Variants in SENP5 observed in about 807,000 individuals in gnomAD.
SENP5 encodes the protein sentrin-specific protease 5.
SENP5 carries 21 observed loss-of-function variants against 74.2 expected under a neutral mutation model. The observed-to-expected ratio is 0.28, with a 90% confidence interval of 0.20 to 0.41. The LOEUF is 0.41. Among genes scored for constraint, SENP5 ranks in the 10% least tolerant of loss-of-function variants. SENP5 has a pLI of 1.00. For missense variants in SENP5, 717 were observed against 889.1 expected, an observed-to-expected ratio of 0.81 and a Z score of 2.46; for synonymous variants, 311 against 312.7, an observed-to-expected ratio of 0.99 and a Z score of 0.06.
At chr3:196,893,636 G>A (rs1577811580) in intron 2 of SENP5, among the ~76,000 whole-genome samples, 1 of 152,084 alleles carries the variant, frequency 6.6e-6, no homozygotes, top group Non-Finnish European at 1.5e-5. Context: ...TAGGCCGGGC[G>A]CGGTGGCTCA....
intron 9 of SENP5, 125 bp from the exon 10 acceptor site, chr3:196,930,688 C>G: frequency 1.5e-6 from 1 of 665,414 alleles, no homozygotes; most frequent in East Asian, 2.6e-5. Flanking sequence ...TAACCAGTCC[C>G]TGGTGCCAAA....
rs559543459 is a variant in SENP5 at position 196,873,164 on chromosome 3, C to A, written c.-32+5091C>A. Reference sequence around the variant, plus strand: ...ACTTGGCTCACTGCAACCTCCACCTCCCAGGTTCAAGCAATTGTCCTGCCT... The same window carrying A: ...ACTTGGCTCACTGCAACCTCCACCTACCAGGTTCAAGCAATTGTCCTGCCT... On this transcript the variant is annotated intron_variant, in intron 1 of 9. Coordinates refer to ENST00000323460, the MANE Select transcript of SENP5 (RefSeq NM_152699.5). Among the ~76,000 whole-genome samples the A allele has an allele frequency of 3.3e-5, 5 of 151,226 alleles. No individual in the cohort carries two copies. The East Asian group carries it at 9.8e-4, about 30-fold the overall frequency.
Position 196,886,413 on chromosome 3 carries a change from T to G in SENP5, c.1232T>G (p.Val411Gly), listed in dbSNP as rs765223971. Residue 411 changes from valine to glycine, a missense_variant, in exon 2 of 10, where the codon GTA becomes GGA. Val to Gly is a moderately radical substitution (Grantham distance 109). Coordinates refer to ENST00000323460, the MANE Select transcript of SENP5 (RefSeq NM_152699.5). ...NQTSSVSDDR[V>G]KLSVSGADTS... Reference sequence around the variant, plus strand: ...ACAAGTTCTGTCAGTGATGACAGAGTAAAACTGTCAGTGTCTGGAGCAGAT... The same window carrying G: ...ACAAGTTCTGTCAGTGATGACAGAGGAAAACTGTCAGTGTCTGGAGCAGAT... 1.9e-6 allele frequency: 3 copies of G among 1,611,904 alleles called. No homozygotes were observed. Among genetic ancestry groups the G allele is most frequent in the Non-Finnish European group, 1.7e-6 (2 of 1,178,680 alleles).
chr3:196,903,787 A>C (rs115255554), intron 6 of SENP5, among the ~76,000 whole-genome samples, 177 bp downstream of exon 6: 5 of 152,262 alleles, frequency 3.3e-5, no homozygotes, highest in Non-Finnish European at 7.3e-5. Flanking sequence ...TTAATTGCCT[A>C]CTGGTCCCAA....
rs1716174368 is a variant in SENP5, at chr3:196,934,599, T to A, written c.*3676T>A. ...GACCTAGACGAGCTGTTCACTTAAC[T>A]GGTACCTGTTGGTCAGAAAAAGAAT... is the stretch of plus-strand genomic sequence containing the variant. On this transcript the variant is annotated 3_prime_UTR_variant, in exon 10 of 10. Coordinates refer to ENST00000323460, the MANE Select transcript of SENP5 (RefSeq NM_152699.5). 2.0e-5 allele frequency: 3 copies of A among 152,250 alleles called. No homozygotes were observed. 9.4% of individuals were successfully genotyped at this position (152,250 alleles called of 1,614,324 possible). A position where few individuals can be genotyped will look rare whatever the true frequency, so the allele number is the denominator to read the frequency against.
At chr3:196,930,004 AAAC>A (rs1324256401) in intron 9 of SENP5, among the ~76,000 whole-genome samples, 31 of 152,176 alleles carry the variant, frequency 2.0e-4, no homozygotes, top group African/African-American at 5.8e-4. Flanking sequence ...AAAAAAAAAA[AAAC>A]ATTGGCAAGC....
rs984642672 is a variant in SENP5, at chr3:196,934,027, A to G, written c.*3104A>G. 5 of 152,166 alleles carry G rather than the reference A, an allele frequency of 3.3e-5. No individual in the cohort carries two copies. Among genetic ancestry groups the G allele is most frequent in the Non-Finnish European group, 7.3e-5 (5 of 68,032 alleles). 9.4% of individuals were successfully genotyped at this position (152,166 alleles called of 1,614,324 possible). ...CATCAGGTTGTAGTTGCATCTTTAC[A>G]GTGGTCTTTCCTTTTATTAAATCTA... On this transcript the variant is annotated 3_prime_UTR_variant, in exon 10 of 10. Coordinates refer to ENST00000323460, the MANE Select transcript of SENP5 (RefSeq NM_152699.5).
At chr3:196,877,810 A>G (rs1713548139) in intron 1 of SENP5, among the ~76,000 whole-genome samples, 1 of 152,190 alleles carries the variant, frequency 6.6e-6, no homozygotes, top group African/African-American at 2.4e-5. Context: ...GGGAACTGTG[A>G]TCCTAAACTT....
chr3:196,898,949 G>C (rs1392013465), intron 2 of SENP5, among the ~76,000 whole-genome samples: 1 of 152,036 alleles, frequency 6.6e-6, no homozygotes, highest in East Asian at 1.9e-4. Flanking sequence ...CGTGGTGGCA[G>C]GCGCCTGTAG....
intron 2 of SENP5, among the ~76,000 whole-genome samples, chr3:196,896,358 C>G (rs1714439841): frequency 6.6e-6 from 1 of 152,184 alleles, no homozygotes; most frequent in Non-Finnish European, 1.5e-5. Flanking sequence ...GTCACGGTAC[C>G]TACAATCAGG....
chr3:196,885,920 A>G lies in SENP5; in HGVS notation c.739A>G (p.Arg247Gly). The stretch of plus-strand genomic sequence containing the variant: ...GATTAGATTTCGGTACAGGATTCTC[A>G]GATCCCAGCACTTCAGAACCAAAAG... ...SMIRFRYRIL[R>G]SQHFRTKSKV... is the part of the protein sequence containing the mutation. Residue 247 changes from arginine (R) to glycine (G), a missense_variant, in exon 2 of 10, where the codon AGA becomes GGA. Coordinates refer to ENST00000323460, the MANE Select transcript of SENP5 (RefSeq NM_152699.5). 1.9e-6 allele frequency: 3 copies of G among 1,613,978 alleles called. No homozygotes were observed. Among genetic ancestry groups the G allele is most frequent in the Non-Finnish European group, 2.5e-6 (3 of 1,180,018 alleles).
intron 2 of SENP5, among the ~76,000 whole-genome samples, chr3:196,890,683 T>C (rs1290671314): frequency 6.6e-6 from 1 of 152,230 alleles, no homozygotes; most frequent in East Asian, 1.9e-4. Context: ...TTTAAAGTTC[T>C]AACCTCTATG....
At chr3:196,901,735 G>A (rs1225824528) in intron 5 of SENP5, among the ~76,000 whole-genome samples, 4 of 152,120 alleles carry the variant, frequency 2.6e-5, no homozygotes, top group African/African-American at 9.7e-5. Flanking sequence ...ATGCTCTATT[G>A]TCAAATTCTC....
At chr3:196,875,201 A>T (rs1026667830) in intron 1 of SENP5, among the ~76,000 whole-genome samples, 7 of 152,172 alleles carry the variant, frequency 4.6e-5, no homozygotes, top group Non-Finnish European at 8.8e-5. Flanking sequence ...CTGATACTGG[A>T]ACATTTACCC....
rs558083698 is a variant in SENP5, at chr3:196,917,318, C to G, written c.1885-6096C>G. Among the ~76,000 whole-genome samples, 4 of 152,008 alleles carry G rather than the reference C, an allele frequency of 2.6e-5. No homozygotes were observed. In the East Asian group the frequency reaches 5.8e-4, roughly 22 times the overall value. On this transcript the variant is annotated intron_variant, in intron 6 of 9. Coordinates refer to ENST00000323460, the MANE Select transcript of SENP5 (RefSeq NM_152699.5). ...GAGAAAAAAGAATGAAGCAAACCTA[C>G]AAGATCTAGAAGTCACAGGGCAAAT...
chr3:196,886,585 G>A lies in SENP5; in HGVS notation c.1404G>A (p.Glu468=). Residue 468 remains glutamate (E), a synonymous_variant, in exon 2 of 10, where the codon GAG becomes GAA. Transcript: ENST00000323460. ...ACCCTTACTGTAAAAGTCCACTGGA[G>A]GCTCCCTTGGTGTGCAGTGGACTCA... ...LDHPYCKSPL[E]APLVCSGLKL... The A allele has an allele frequency of 6.2e-7, 1 of 1,613,856 alleles. No individual in the cohort carries two copies. Among genetic ancestry groups the A allele is most frequent in the Non-Finnish European group, 8.5e-7 (1 of 1,179,938 alleles).
At chr3:196,889,552 C>G (rs1050747021) in intron 2 of SENP5, among the ~76,000 whole-genome samples, 14 of 152,054 alleles carry the variant, frequency 9.2e-5, no homozygotes, top group African/African-American at 1.2e-4. Context: ...TCTTAGAAAA[C>G]TAGTAATAAA....
intron 7 of SENP5, among the ~76,000 whole-genome samples, chr3:196,923,943 G>T (rs1047871336): frequency 2.0e-5 from 3 of 152,142 alleles, no homozygotes; most frequent in Admixed American, 6.5e-5. Flanking sequence ...AACAGATGGT[G>T]GGATACAAAA....
rs528522361 is a variant in SENP5 at position 196,922,702 on chromosome 3, C to T, written c.1885-712C>T. On this transcript the variant is annotated intron_variant, in intron 6 of 9. Transcript: ENST00000323460. The stretch of plus-strand genomic sequence containing the variant: ...GTGGTGCAATCTCTGCTCAGTGCAA[C>T]CTCCGCCTCCCAGGCTCAAGCCATC... Among the ~76,000 whole-genome samples the T allele has an allele frequency of 3.6e-4, 55 of 152,262 alleles. No homozygotes were observed. In the South Asian group the frequency reaches 9.8e-3, roughly 27 times the overall value.
Sources: allele counts gnomAD v4.1 joint callset (sites outside exome capture counted in the v4.1 genomes callset), GRCh38; gene constraint gnomAD v4.1.1; transcripts MANE v1.5; gene names NCBI Gene and HGNC (gene_info 2026-07-23, HGNC 2026-07-21).